Variants in JAZF1 observed in about 807,000 individuals in gnomAD.
JAZF1 encodes the protein JAZF zinc finger 1.
A neutral mutation model predicts 26.4 loss-of-function variants in JAZF1; 8 were observed. The ratio of observed to expected loss-of-function variants is 0.30; its 90% CI spans 0.18 to 0.55. The LOEUF is 0.55. Ranked by LOEUF, JAZF1 falls within the 20% of genes least tolerant of loss-of-function variation. The pLI, the probability that JAZF1 is intolerant of heterozygous loss-of-function variation, is 0.94. For missense variants in JAZF1, 199 were observed against 322.0 expected, an observed-to-expected ratio of 0.62 and a Z score of 2.92; for synonymous variants, 126 against 122.3, an observed-to-expected ratio of 1.03 and a Z score of -0.20.
chr7:27,880,596 G>A (rs989799129), intron 3 of JAZF1, among the ~76,000 whole-genome samples: 6 of 151,812 alleles, frequency 4.0e-5, no homozygotes, highest in African/African-American at 7.3e-5. Flanking sequence ...TCATGCCACC[G>A]CACTCCAGCC....
chr7:28,066,421 G>A (rs188636086), intron 1 of JAZF1, among the ~76,000 whole-genome samples: 198 of 151,932 alleles, frequency 1.3e-3, no homozygotes, highest in African/African-American at 4.7e-3. Context: ...GGCCAGCATG[G>A]TAAAACCCCA....
intron 4 of JAZF1, among the ~76,000 whole-genome samples, chr7:27,837,297 C>G (rs944745945): frequency 5.9e-5 from 9 of 152,248 alleles, no homozygotes; most frequent in Admixed American, 2.0e-4. Flanking sequence ...CCTCTCTGTT[C>G]CCTGAATTCA....
Position 27,831,009 on chromosome 7 carries a change from G to T in JAZF1, c.*1791C>A, listed in dbSNP as rs1281538160. 2 of 219,082 alleles carry T rather than the reference G, an allele frequency of 9.1e-6. No individual in the cohort carries two copies. Among genetic ancestry groups the T allele is most frequent in the Non-Finnish European group, 1.8e-5 (2 of 108,930 alleles). The allele number at this position is 219,082 out of a possible 1,614,324, so 13.6% of individuals were successfully genotyped here. A position where few individuals can be genotyped will look rare whatever the true frequency, so the allele number is the denominator to read the frequency against. ...ATTGCTGGCCTAAAAAATTTTTTTT[G>T]GTCAATTGTAGGTAGATATGAAATA... On this transcript the variant is annotated 3_prime_UTR_variant, in exon 5 of 5. Coordinates refer to ENST00000283928, the MANE Select transcript of JAZF1 (RefSeq NM_175061.4).
intron 1 of JAZF1, among the ~76,000 whole-genome samples, chr7:28,005,414 TAA>T (rs764502404): frequency 1.7e-4 from 24 of 137,872 alleles, no homozygotes; most frequent in Admixed American, 2.9e-4. Flanking sequence ...AATCATTGCT[TAA>T]AAAAAAAAAA....
At chr7:28,140,144 G>A (rs954634231) in intron 1 of JAZF1, among the ~76,000 whole-genome samples, 33 of 148,742 alleles carry the variant, frequency 2.2e-4, no homozygotes, top group South Asian at 1.1e-3. Context: ...GTGCAGTGGC[G>A]TGATCTTGGA....
chr7:28,017,866 G>A (rs923295658), intron 1 of JAZF1, among the ~76,000 whole-genome samples: 2 of 152,124 alleles, frequency 1.3e-5, no homozygotes, highest in East Asian at 1.9e-4. Context: ...CTCCACCTCC[G>A]GGGTTCAAGC....
chr7:27,835,872 A>G (rs1365870231), intron 4 of JAZF1, among the ~76,000 whole-genome samples: 1 of 152,228 alleles, frequency 6.6e-6, no homozygotes, highest in Non-Finnish European at 1.5e-5. Context: ...AAATTGCTGA[A>G]ATTCTTTGGT....
intron 1 of JAZF1, among the ~76,000 whole-genome samples, chr7:28,009,505 A>T: frequency 6.7e-6 from 1 of 149,476 alleles, no homozygotes; most frequent in South Asian, 2.1e-4. Flanking sequence ...TTTTTTTGAG[A>T]CAGAGTCTCG....
chr7:27,923,609 C>T (rs866655727), intron 2 of JAZF1, among the ~76,000 whole-genome samples: 6 of 152,204 alleles, frequency 3.9e-5, no homozygotes, highest in African/African-American at 7.2e-5. Flanking sequence ...GCTGGGCTGG[C>T]GCCGCCAACA....
chr7:28,022,142 A>C (rs1053786512), intron 1 of JAZF1, among the ~76,000 whole-genome samples: 2 of 152,220 alleles, frequency 1.3e-5, no homozygotes, highest in Non-Finnish European at 2.9e-5. Flanking sequence ...TCAAAGACCT[A>C]AGGATATGCT....
Position 28,180,640 on chromosome 7 carries a change from G to A in JAZF1, c.-63C>T, listed in dbSNP as rs1423473580. 2.4e-6 allele frequency: 3 copies of A among 1,262,546 alleles called. No homozygotes were observed. The highest frequency in any genetic ancestry group is 1.5e-5 in the African/African-American group (1 of 66,840). The allele number at this position is 1,262,546 out of a possible 1,614,324, so 78.2% of individuals were successfully genotyped here. A position where few individuals can be genotyped will look rare whatever the true frequency, so the allele number is the denominator to read the frequency against. ...GAGCGCCGGGCGGGCGAGGGAGGGA[G>A]GGAGGCCGGGTGGGGTGAGGAGAGG... On this transcript the variant is annotated 5_prime_UTR_variant, in exon 1 of 5. Transcript: ENST00000283928.
intron 2 of JAZF1, among the ~76,000 whole-genome samples, chr7:27,971,369 A>T (rs934188161): frequency 3.9e-5 from 6 of 151,934 alleles, no homozygotes; most frequent in Admixed American, 6.6e-5. Flanking sequence ...ACTTAGCTGC[A>T]CTGCTTTGAG....
chr7:27,878,161 C>A (rs1412683601), intron 3 of JAZF1, among the ~76,000 whole-genome samples: 1 of 152,038 alleles, frequency 6.6e-6, no homozygotes, highest in Non-Finnish European at 1.5e-5. Flanking sequence ...AACACACTTG[C>A]TGTTTTGTAG....
At chr7:27,931,826 C>T (rs1186033501) in intron 2 of JAZF1, among the ~76,000 whole-genome samples, 1 of 151,828 alleles carries the variant, frequency 6.6e-6, no homozygotes, top group South Asian at 2.1e-4. Flanking sequence ...CCTGGGAGAA[C>T]TGCTTGAACC....
At chr7:27,986,027 G>A (rs948577435) in intron 2 of JAZF1, among the ~76,000 whole-genome samples, 9 of 152,272 alleles carry the variant, frequency 5.9e-5, no homozygotes, top group African/African-American at 1.9e-4. Context: ...GCAAAAACTG[G>A]AAGCATTCCC....
At chr7:27,973,076 C>T (rs888743550) in intron 2 of JAZF1, among the ~76,000 whole-genome samples, 1 of 151,704 alleles carries the variant, frequency 6.6e-6, no homozygotes, top group Non-Finnish European at 1.5e-5. Context: ...AGGGAGAATA[C>T]CCGCCACAAC....
At chr7:27,949,199 G>C (rs1784968409) in intron 2 of JAZF1, among the ~76,000 whole-genome samples, 1 of 152,202 alleles carries the variant, frequency 6.6e-6, no homozygotes. Context: ...GGAGAGTTGA[G>C]GAGAGAGAAA....
chr7:27,898,381 C>T (rs1395045098), intron 2 of JAZF1, among the ~76,000 whole-genome samples: 1 of 143,514 alleles, frequency 7.0e-6, no homozygotes, highest in Non-Finnish European at 1.5e-5. Flanking sequence ...GGCACGATCT[C>T]GGCTCACCTC....
At chr7:27,921,730 C>T (rs1032791292) in intron 2 of JAZF1, among the ~76,000 whole-genome samples, 2 of 152,060 alleles carry the variant, frequency 1.3e-5, no homozygotes, top group African/African-American at 4.8e-5. Flanking sequence ...CTGAACTGTT[C>T]ACTTAAAAAT....
Sources: allele counts gnomAD v4.1 joint callset (sites outside exome capture counted in the v4.1 genomes callset), GRCh38; gene constraint gnomAD v4.1.1; transcripts MANE v1.5; gene names NCBI Gene and HGNC (gene_info 2026-07-23, HGNC 2026-07-21).